Variants in PPM1E observed in about 807,000 individuals in gnomAD.
The protein encoded by PPM1E is protein phosphatase 1E.
A neutral mutation model predicts 65.9 loss-of-function variants in PPM1E; 20 were observed. That is an observed-to-expected ratio of 0.30 (90% CI 0.21 to 0.44). The LOEUF (loss-of-function observed/expected upper bound fraction) is 0.44. Among genes scored for constraint, PPM1E ranks in the 20% least tolerant of loss-of-function variants. The pLI is 1.00. For synonymous variants in PPM1E, 352 were observed against 374.9 expected (o/e 0.94, Z 0.70); for missense variants, 713 against 953.1 (o/e 0.75, Z 3.32).
chr17:58,873,884 A>G (rs1276446830), intron 1 of PPM1E, among the ~76,000 whole-genome samples: 2 of 151,200 alleles, frequency 1.3e-5, no homozygotes, highest in African/African-American at 4.9e-5. Context: ...GGAGTGAACC[A>G]CCGTGCCCGG....
intron 1 of PPM1E, among the ~76,000 whole-genome samples, chr17:58,935,503 CTA>C (rs1260659001): frequency 6.6e-6 from 1 of 152,092 alleles, no homozygotes; most frequent in East Asian, 1.9e-4. Flanking sequence ...TGAGAATAGA[CTA>C]TTGGATTTAG....
At chr17:58,871,804 G>C (rs1427522835) in intron 1 of PPM1E, among the ~76,000 whole-genome samples, 2 of 100,318 alleles carry the variant, frequency 2.0e-5, no homozygotes, top group African/African-American at 8.0e-5. Flanking sequence ...GCAACAAAGG[G>C]AGACCCTGTC....
chr17:58,836,370 C>G (rs1221207723), intron 1 of PPM1E, among the ~76,000 whole-genome samples: 1 of 151,826 alleles, frequency 6.6e-6, no homozygotes, highest in Admixed American at 6.6e-5. Context: ...GTGGCTCACA[C>G]CTGCACTTTG....
chr17:58,810,337 G>A (rs2050354423), intron 1 of PPM1E, among the ~76,000 whole-genome samples: 1 of 152,062 alleles, frequency 6.6e-6, no homozygotes, highest in African/African-American at 2.4e-5. Context: ...CTCCCGAGTA[G>A]CTGGGATTAC....
intron 1 of PPM1E, among the ~76,000 whole-genome samples, chr17:58,761,861 A>C (rs567572946): frequency 6.6e-6 from 1 of 152,334 alleles, no homozygotes; most frequent in African/African-American, 2.4e-5. Flanking sequence ...TCCAAAGTCA[A>C]TTGCACCTAA....
At chr17:58,831,016 T>TG (rs1338215164) in intron 1 of PPM1E, among the ~76,000 whole-genome samples, 1 of 150,686 alleles carries the variant, frequency 6.6e-6, no homozygotes, top group South Asian at 2.1e-4. Context: ...TTTTTTTTTT[T>TG]TTCGTTTTTT....
intron 1 of PPM1E, among the ~76,000 whole-genome samples, chr17:58,829,145 C>T (rs565470253): frequency 1.3e-5 from 2 of 151,756 alleles, no homozygotes; most frequent in South Asian, 2.1e-4. Flanking sequence ...CGGGTTCAAG[C>T]GATTCTCCTG....
rs1393794979 is a variant in PPM1E at position 58,983,698 on chromosome 17, T to TTCA, written c.*2669_*2671dup. 2.6e-5 allele frequency: 4 copies of TTCA among 152,680 alleles called. No homozygotes were observed. The highest frequency in any genetic ancestry group is 9.6e-5 in the African/African-American group (4 of 41,462). The allele number at this position is 152,680 out of a possible 1,614,324, so 9.5% of individuals were successfully genotyped here. A position where few individuals can be genotyped will look rare whatever the true frequency, so the allele number is the denominator to read the frequency against. Reference sequence around the variant, plus strand: ...GTGAATTATGTGTTTTGTATTTTTATTCATTGTGTAATTTAGTGGTGGTGA... The same window carrying TTCA: ...GTGAATTATGTGTTTTGTATTTTTATTCATCATTGTGTAATTTAGTGGTGGTGA... On this transcript the variant is annotated 3_prime_UTR_variant, in exon 7 of 7. Coordinates refer to ENST00000308249, the MANE Select transcript of PPM1E (RefSeq NM_014906.5).
intron 6 of PPM1E, among the ~76,000 whole-genome samples, chr17:58,978,281 C>T (rs1419002457): frequency 6.6e-6 from 1 of 152,158 alleles, no homozygotes; most frequent in Non-Finnish European, 1.5e-5. Context: ...CACTGCTATA[C>T]AGTAAAGCCC....
chr17:58,959,813 A>G (rs1403186962), intron 2 of PPM1E, among the ~76,000 whole-genome samples: 1 of 152,208 alleles, frequency 6.6e-6, no homozygotes, highest in East Asian at 1.9e-4. Flanking sequence ...CAAAACTTCA[A>G]GAACAAAATA....
chr17:58,893,186 T>G (rs1324096336), intron 1 of PPM1E, among the ~76,000 whole-genome samples: 1 of 152,192 alleles, frequency 6.6e-6, no homozygotes. Context: ...TTCATAATTA[T>G]CACAACTTGG....
intron 1 of PPM1E, among the ~76,000 whole-genome samples, chr17:58,756,970 C>G (rs944056155): frequency 3.3e-5 from 5 of 152,160 alleles, no homozygotes; most frequent in African/African-American, 1.2e-4. Context: ...CGAGGTGCCT[C>G]CTGCGTAACT....
At chr17:58,844,237 G>T (rs1275398652) in intron 1 of PPM1E, among the ~76,000 whole-genome samples, 2 of 151,998 alleles carry the variant, frequency 1.3e-5, no homozygotes, top group Admixed American at 6.6e-5. Flanking sequence ...TTATTGTGAA[G>T]ATTTTCTAAT....
At chr17:58,916,783 G>T (rs1004008771) in intron 1 of PPM1E, among the ~76,000 whole-genome samples, 6 of 152,194 alleles carry the variant, frequency 3.9e-5, no homozygotes, top group Middle Eastern at 6.8e-3. Context: ...ATCTCTCAGG[G>T]TTTAACTGAG....
chr17:58,865,559 G>C (rs1398706311), intron 1 of PPM1E, among the ~76,000 whole-genome samples: 1 of 152,048 alleles, frequency 6.6e-6, no homozygotes, highest in Admixed American at 6.6e-5. Flanking sequence ...AATTCACCAG[G>C]TATGATGGTG....
intron 1 of PPM1E, among the ~76,000 whole-genome samples, chr17:58,851,883 G>T (rs1254954409): frequency 6.6e-6 from 1 of 152,238 alleles, no homozygotes; most frequent in Non-Finnish European, 1.5e-5. Context: ...CAGAGGTGGA[G>T]TCTACAGAGG....
At chr17:58,969,792 G>A in intron 4 of PPM1E, 65 bp downstream of exon 4, 1 of 1,447,322 alleles carries the variant, frequency 6.9e-7, no homozygotes, top group Non-Finnish European at 9.5e-7. Context: ...GGTCTGTGTG[G>A]TTAAAGGGCT....
chr17:58,981,180 T>A lies in PPM1E; in HGVS notation c.*149T>A. 2 of 624,048 alleles carry A rather than the reference T, an allele frequency of 3.2e-6. No homozygotes were observed. The highest frequency in any genetic ancestry group is 5.4e-6 in the Non-Finnish European group (2 of 372,128). 38.7% of individuals were successfully genotyped at this position (624,048 alleles called of 1,614,324 possible). On this transcript the variant is annotated 3_prime_UTR_variant, in exon 7 of 7. Transcript: ENST00000308249. ...AAATGTAAATAGATCTCTAGGAAAC[T>A]CAAAGTACAGTGTTTTCAATCTAAA... is the stretch of plus-strand genomic sequence containing the variant.
intron 1 of PPM1E, among the ~76,000 whole-genome samples, chr17:58,781,936 A>G (rs2050054697): frequency 1.3e-5 from 2 of 152,166 alleles, no homozygotes; most frequent in Admixed American, 1.3e-4. Context: ...TTGGGATGGT[A>G]AGATTTCAGA....
Sources: allele counts gnomAD v4.1 joint callset (sites outside exome capture counted in the v4.1 genomes callset), GRCh38; gene constraint gnomAD v4.1.1; transcripts MANE v1.5; gene names NCBI Gene and HGNC (gene_info 2026-07-23, HGNC 2026-07-21).